The following MYT1L variants were observed in gnomAD, a reference collection of about 807,000 sequenced individuals.
MYT1L encodes myelin transcription factor 1 like.
MYT1L carries 12 observed loss-of-function variants against 126.7 expected under a neutral mutation model. The observed-to-expected ratio is 0.09, with a 90% confidence interval of 0.06 to 0.15. The LOEUF (loss-of-function observed/expected upper bound fraction) is 0.15, where lower values mean the gene tolerates loss of function less well. MYT1L is among the 10% of genes least tolerant of loss of function. MYT1L has a pLI of 1.00. For missense variants in MYT1L, 979 were observed against 1,585.2 expected, an observed-to-expected ratio of 0.62 and a Z score of 6.49; for synonymous variants, 541 against 604.2, an observed-to-expected ratio of 0.90 and a Z score of 1.53.
intron 5 of MYT1L, among the ~76,000 whole-genome samples, chr2:1,991,058 G>T (rs1351829990): frequency 6.6e-6 from 1 of 152,188 alleles, no homozygotes; most frequent in Non-Finnish European, 1.5e-5. Flanking sequence ...CAGCAAGCTT[G>T]CTGTTCTCTT....
At chr2:1,847,511 C>A (rs986725433) in intron 19 of MYT1L, among the ~76,000 whole-genome samples, 2 of 152,080 alleles carry the variant, frequency 1.3e-5, no homozygotes, top group African/African-American at 4.8e-5. Flanking sequence ...CACCCCTGGG[C>A]AGGCCTGTCT....
At chr2:2,043,865 C>A (rs2067844358) in intron 4 of MYT1L, among the ~76,000 whole-genome samples, 1 of 152,098 alleles carries the variant, frequency 6.6e-6, no homozygotes, top group Admixed American at 6.5e-5. Flanking sequence ...TACAAATAAT[C>A]TCTATTAAAC....
At chr2:2,116,357 C>T (rs1254748953) in intron 3 of MYT1L, among the ~76,000 whole-genome samples, 1 of 152,212 alleles carries the variant, frequency 6.6e-6, no homozygotes, top group Admixed American at 6.5e-5. Context: ...GATGTTCTTC[C>T]CAACCTGCAT....
At chr2:2,198,608 C>T (rs1182354224) in intron 2 of MYT1L, among the ~76,000 whole-genome samples, 1 of 151,258 alleles carries the variant, frequency 6.6e-6, no homozygotes, top group African/African-American at 2.4e-5. Context: ...CCTGTAATCC[C>T]AGCACTTTGG....
At chr2:1,792,545 TG>T (rs754253029) in intron 23 of MYT1L, 81 bp from the exon 24 acceptor site, 2 of 1,466,392 alleles carry the variant, frequency 1.4e-6, no homozygotes, top group East Asian at 2.4e-5. Context: ...CACAGTCTAC[TG>T]GGTGCGAAGA....
At chr2:1,821,692 G>A (rs1438110980) in intron 21 of MYT1L, among the ~76,000 whole-genome samples, 2 of 152,198 alleles carry the variant, frequency 1.3e-5, no homozygotes, top group Non-Finnish European at 2.9e-5. Context: ...GGTGCCTGGA[G>A]GCCCTTTATC....
chr2:1,949,692 G>A lies in MYT1L; in HGVS notation c.153-6358C>T, dbSNP rs115864779. On this transcript the variant is annotated intron_variant, in intron 8 of 24. Coordinates refer to ENST00000647738, the MANE Select transcript of MYT1L (RefSeq NM_001303052.2). Reference sequence around the variant, plus strand: ...GTAACTGAAAACCAAACTTGGCAGCGTGTGCTCTGCTCCCAACTGCTGTTA... The same window carrying A: ...GTAACTGAAAACCAAACTTGGCAGCATGTGCTCTGCTCCCAACTGCTGTTA... 5.5e-3 allele frequency among the ~76,000 whole-genome samples: 838 copies of A among 152,290 alleles called. 9 individuals are homozygous for A. The highest frequency in any genetic ancestry group is 0.014 in the Middle Eastern group (4 of 294).
Position 1,912,094 on chromosome 2 carries a change from T to C in MYT1L, c.1635A>G (p.Glu545=). ...CCGGAGTGGGGCACTTGAGGACACT[T>C]TCATGCATGGCAAGGACTTGACAGG... ...RVPPEILAMH[E]SVLKCPTPGC... The change falls in exon 12 of 25, where the codon GAA becomes GAG. Residue 545 remains glutamate (E), a synonymous_variant. Transcript: ENST00000647738. The surrounding 1 kb of genome is among the most constrained non-coding windows in gnomAD (Gnocchi z 4.3). 6.3e-7 allele frequency: 1 copy of C among 1,582,564 alleles called. No individual in the cohort carries two copies. Among genetic ancestry groups the C allele is most frequent in the Non-Finnish European group, 8.6e-7 (1 of 1,157,940 alleles).
chr2:1,870,650 T>A (rs1286539594), intron 18 of MYT1L, among the ~76,000 whole-genome samples: 1 of 152,212 alleles, frequency 6.6e-6, no homozygotes, highest in Admixed American at 6.5e-5. Context: ...CATGCTGTTG[T>A]AGGCAGAACT....
intron 9 of MYT1L, among the ~76,000 whole-genome samples, chr2:1,927,182 G>T (rs547724650): frequency 6.6e-6 from 1 of 152,120 alleles, no homozygotes; most frequent in South Asian, 2.1e-4. Flanking sequence ...ACTACTCCAG[G>T]TGAGAAAATT....
chr2:1,798,550 G>C (rs887608670), intron 23 of MYT1L, among the ~76,000 whole-genome samples: 4 of 152,156 alleles, frequency 2.6e-5, no homozygotes, highest in African/African-American at 9.7e-5. Context: ...CTTGGGCTCT[G>C]TGCACAGGTC....
At chr2:2,202,475 C>G (rs1230836590) in intron 2 of MYT1L, among the ~76,000 whole-genome samples, 2 of 152,166 alleles carry the variant, frequency 1.3e-5, no homozygotes, top group Admixed American at 1.3e-4. Flanking sequence ...AAACTACCAT[C>G]AGAAAATACT....
At chr2:2,256,074 A>T (rs1243612467) in intron 2 of MYT1L, among the ~76,000 whole-genome samples, 1 of 152,212 alleles carries the variant, frequency 6.6e-6, no homozygotes, top group Non-Finnish European at 1.5e-5. Flanking sequence ...GGTGGAGATT[A>T]CTGTTAATCA....
At chr2:2,186,093 C>A (rs1478504488) in intron 2 of MYT1L, among the ~76,000 whole-genome samples, 2 of 136,166 alleles carry the variant, frequency 1.5e-5, no homozygotes, top group Admixed American at 1.4e-4. Context: ...GGGGACGCAG[C>A]CAGGCCTTCC....
chr2:2,196,344 G>A (rs530229062), intron 2 of MYT1L, among the ~76,000 whole-genome samples: 2 of 152,092 alleles, frequency 1.3e-5, no homozygotes, highest in South Asian at 4.2e-4. Flanking sequence ...TAAGTGAAAT[G>A]CTAAAAAATT....
intron 2 of MYT1L, among the ~76,000 whole-genome samples, chr2:2,275,014 T>A (rs952005281): frequency 1.3e-5 from 2 of 152,050 alleles, no homozygotes; most frequent in African/African-American, 4.8e-5. Context: ...CAGGGCAGTG[T>A]TGCACCCAGA....
intron 4 of MYT1L, among the ~76,000 whole-genome samples, chr2:2,032,638 C>T (rs1335385760): frequency 7.2e-6 from 1 of 138,084 alleles, no homozygotes; most frequent in Non-Finnish European, 1.5e-5. Context: ...CATCCTGTGG[C>T]CCAGAGCAGA....
intron 3 of MYT1L, among the ~76,000 whole-genome samples, chr2:2,077,949 C>T (rs146574992): frequency 7.3e-4 from 111 of 152,152 alleles, no homozygotes; most frequent in Non-Finnish European, 1.1e-3. Flanking sequence ...TTCTTCTATA[C>T]GTTTTAAAAG....
At chr2:2,190,186 G>C (rs2092500128) in intron 2 of MYT1L, among the ~76,000 whole-genome samples, 1 of 151,332 alleles carries the variant, frequency 6.6e-6, no homozygotes, top group South Asian at 2.1e-4. Context: ...GACGGGCACA[G>C]TGGCTCATGC....
Sources: gnomAD v4.1 joint callset for allele counts (sites outside exome capture counted in the v4.1 genomes callset) on GRCh38, gnomAD v4.1.1 for gene constraint, Gnocchi (gnomAD v3.1) non-coding constraint, MANE v1.5 for transcripts, NCBI Gene and HGNC (gene_info 2026-07-23, HGNC 2026-07-21) for gene names.